The following SPON1 variants were observed in gnomAD, a reference collection of about 807,000 sequenced individuals.
The protein encoded by SPON1 is spondin-1.
SPON1 carries 52 observed loss-of-function variants against 111.7 expected under a neutral mutation model. The observed-to-expected ratio is 0.47, with a 90% CI of 0.37 to 0.59. The LOEUF (loss-of-function observed/expected upper bound fraction) is 0.59, where lower values mean the gene tolerates loss of function less well. Ranked by LOEUF, SPON1 falls within the 20% of genes least tolerant of loss-of-function variation. The pLI is 0.00. For missense variants in SPON1, 957 were observed against 1,068.5 expected, an observed-to-expected ratio of 0.90 and a Z score of 1.46; for synonymous variants, 410 against 395.8, an observed-to-expected ratio of 1.04 and a Z score of -0.43.
intron 1 of SPON1, among the ~76,000 whole-genome samples, chr11:13,967,521 A>G (rs1444130262): frequency 2.4e-5 from 3 of 126,196 alleles, no homozygotes; most frequent in Non-Finnish European, 4.9e-5. Context: ...ATTGGATAGG[A>G]AAAAAAAAAC....
At chr11:14,002,034 G>T (rs1848322920) in intron 2 of SPON1, among the ~76,000 whole-genome samples, 5 of 152,260 alleles carry the variant, frequency 3.3e-5, no homozygotes, top group Middle Eastern at 6.8e-3. Context: ...TCATGATCAG[G>T]CACAGGAGGG....
At chr11:14,024,718 G>C (rs1374713971) in intron 2 of SPON1, among the ~76,000 whole-genome samples, 2 of 152,314 alleles carry the variant, frequency 1.3e-5, no homozygotes, top group Non-Finnish European at 1.5e-5. Flanking sequence ...AAGAGTGCCT[G>C]TTCTCTCTTA....
At chr11:14,099,349 A>G (rs1413759703) in intron 5 of SPON1, among the ~76,000 whole-genome samples, 1 of 152,104 alleles carries the variant, frequency 6.6e-6, no homozygotes, top group Non-Finnish European at 1.5e-5. Context: ...ACTTTTATAT[A>G]TACTGTTCCC....
intron 6 of SPON1, among the ~76,000 whole-genome samples, chr11:14,208,787 T>C (rs934584721): frequency 8.5e-5 from 13 of 152,208 alleles, no homozygotes; most frequent in African/African-American, 2.9e-4. Flanking sequence ...CATGTATAAA[T>C]AGGTGTATTT....
At chr11:14,070,521 G>T (rs1429752819) in intron 3 of SPON1, among the ~76,000 whole-genome samples, 1 of 152,138 alleles carries the variant, frequency 6.6e-6, no homozygotes, top group African/African-American at 2.4e-5. Flanking sequence ...TGACTTAACA[G>T]CAGCAATGAT....
At chr11:14,121,422 A>G (rs1847388388) in intron 5 of SPON1, among the ~76,000 whole-genome samples, 1 of 152,202 alleles carries the variant, frequency 6.6e-6, no homozygotes. Flanking sequence ...CAGTTTAAAG[A>G]TTTGGTGGAG....
intron 5 of SPON1, among the ~76,000 whole-genome samples, chr11:14,119,084 C>T (rs1402947823): frequency 1.3e-5 from 2 of 152,094 alleles, no homozygotes; most frequent in African/African-American, 4.8e-5. Context: ...CTATATTATG[C>T]TTATGGAAAC....
chr11:14,205,774 G>A (rs1206002516), intron 6 of SPON1, among the ~76,000 whole-genome samples: 1 of 152,120 alleles, frequency 6.6e-6, no homozygotes, highest in Non-Finnish European at 1.5e-5. Flanking sequence ...CAATGCTAAG[G>A]CCTCCACATG....
chr11:14,049,504 C>A (rs1299218748), intron 3 of SPON1, among the ~76,000 whole-genome samples: 3 of 152,144 alleles, frequency 2.0e-5, no homozygotes, highest in Non-Finnish European at 4.4e-5. Context: ...TATAAGGGTG[C>A]CTATGACCTT....
chr11:14,155,099 CACA>C (rs1328520911), intron 6 of SPON1, among the ~76,000 whole-genome samples: 5 of 152,198 alleles, frequency 3.3e-5, no homozygotes, highest in Non-Finnish European at 7.3e-5. Flanking sequence ...AGCTTTTGGT[CACA>C]ACAATTTGAC....
Position 14,080,089 on chromosome 11 carries a change from C to T in SPON1, c.676+68C>T, listed in dbSNP as rs532011267. 2.5e-5 allele frequency: 40 copies of T among 1,585,494 alleles called. No individual in the cohort carries two copies. In the East Asian group the frequency reaches 7.8e-4, roughly 31 times the overall value. Reference sequence around the variant, plus strand: ...GTCAAAGTTCTGTCTGGTTATAGGGCACACTAGCTGCAGCATGTCAGATCT... The same window carrying T: ...GTCAAAGTTCTGTCTGGTTATAGGGTACACTAGCTGCAGCATGTCAGATCT... On this transcript the variant is annotated intron_variant, in intron 5 of 15. Transcript: ENST00000576479.
chr11:13,995,909 C>T (rs1282507915), intron 2 of SPON1, among the ~76,000 whole-genome samples: 1 of 152,166 alleles, frequency 6.6e-6, no homozygotes, highest in Non-Finnish European at 1.5e-5. Context: ...TGCATCTGTG[C>T]AAATAAGAAA....
chr11:14,190,524 T>C (rs1250684915), intron 6 of SPON1, among the ~76,000 whole-genome samples: 2 of 151,820 alleles, frequency 1.3e-5, no homozygotes, highest in African/African-American at 4.8e-5. Context: ...AGTTCCTTCC[T>C]TCCATCCTTC....
intron 6 of SPON1, among the ~76,000 whole-genome samples, chr11:14,177,471 A>C (rs1848190887): frequency 6.6e-6 from 1 of 152,104 alleles, no homozygotes; most frequent in Non-Finnish European, 1.5e-5. Context: ...GGGGGCCACA[A>C]GATCAATGAG....
At chr11:14,094,616 T>C (rs2133840334) in intron 5 of SPON1, among the ~76,000 whole-genome samples, 1 of 152,340 alleles carries the variant, frequency 6.6e-6, no homozygotes, top group South Asian at 2.1e-4. Context: ...AAGTCTGATT[T>C]TGCTCCTTGT....
At chr11:14,218,555 T>C (rs1224377042) in intron 6 of SPON1, among the ~76,000 whole-genome samples, 1 of 152,186 alleles carries the variant, frequency 6.6e-6, no homozygotes, top group Non-Finnish European at 1.5e-5. Flanking sequence ...GAATGAAGTG[T>C]CAGCCCCAAA....
intron 2 of SPON1, among the ~76,000 whole-genome samples, chr11:13,996,879 AC>A (rs531663437): frequency 7.9e-4 from 120 of 152,274 alleles, no homozygotes; most frequent in Non-Finnish European, 1.3e-3. Flanking sequence ...GCTTTGTAAT[AC>A]TCCATCATAC....
At chr11:14,207,131 G>A (rs1446065321) in intron 6 of SPON1, among the ~76,000 whole-genome samples, 1 of 152,152 alleles carries the variant, frequency 6.6e-6, no homozygotes, top group Non-Finnish European at 1.5e-5. Context: ...AACAAGCAAT[G>A]GGGAAAGGAT....
intron 6 of SPON1, among the ~76,000 whole-genome samples, chr11:14,143,935 C>T (rs1847688368): frequency 2.6e-5 from 4 of 152,160 alleles, no homozygotes; most frequent in Admixed American, 6.5e-5. Context: ...GTTAAGGCCA[C>T]TTATTTACCC....
Sources: allele counts gnomAD v4.1 joint callset (sites outside exome capture counted in the v4.1 genomes callset), GRCh38; gene constraint gnomAD v4.1.1; transcripts MANE v1.5; gene names NCBI Gene and HGNC (gene_info 2026-07-23, HGNC 2026-07-21).